The following ABR variants were observed in gnomAD, a reference collection of about 807,000 sequenced individuals.
ABR encodes active breakpoint cluster region-related protein.
A neutral mutation model predicts 107.2 loss-of-function variants in ABR; 35 were observed. The ratio of observed to expected loss-of-function variants is 0.33; its 90% CI spans 0.25 to 0.43. The LOEUF (loss-of-function observed/expected upper bound fraction) is 0.43. Among genes scored for constraint, ABR ranks in the 20% least tolerant of loss-of-function variants. The pLI is 1.00. For synonymous variants in ABR, 498 were observed against 462.0 expected (o/e 1.08, Z -1.00); for missense variants, 815 against 1,115.2 (o/e 0.73, Z 3.83).
intron 1 of ABR, among the ~76,000 whole-genome samples, chr17:1,174,877 A>G (rs1451440408): frequency 6.6e-6 from 1 of 152,116 alleles, no homozygotes; most frequent in Non-Finnish European, 1.5e-5. Context: ...GAGGTGCCAG[A>G]TGATCAACCT....
chr17:1,168,835 C>T (rs1490669939), intron 1 of ABR, among the ~76,000 whole-genome samples: 1 of 152,232 alleles, frequency 6.6e-6, no homozygotes, highest in Non-Finnish European at 1.5e-5. Context: ...AGCAGGAGAC[C>T]GAATCAGCTC....
At chr17:1,119,470 C>T (rs1472623985) in intron 2 of ABR, among the ~76,000 whole-genome samples, 2 of 89,072 alleles carry the variant, frequency 2.2e-5, no homozygotes, top group African/African-American at 3.7e-5. Flanking sequence ...TTCTTCCCAG[C>T]GTTATCCCTG....
At chr17:1,088,872 G>A (rs527466568) in intron 4 of ABR, among the ~76,000 whole-genome samples, 2 of 148,864 alleles carry the variant, frequency 1.3e-5, no homozygotes, top group South Asian at 2.1e-4. Flanking sequence ...GATTATAAGC[G>A]TGAGCCACTG....
intron 3 of ABR, among the ~76,000 whole-genome samples, chr17:1,096,900 G>T (rs188826493): frequency 2.0e-5 from 3 of 148,508 alleles, no homozygotes; most frequent in South Asian, 2.2e-4. Flanking sequence ...GCTGGGGAAG[G>T]GGGGAAACCT....
chr17:1,085,173 T>C (rs1211186153), intron 4 of ABR, among the ~76,000 whole-genome samples: 1 of 144,716 alleles, frequency 6.9e-6, no homozygotes, highest in Non-Finnish European at 1.5e-5. Flanking sequence ...AATGCAGTGA[T>C]GCCATCTCGG....
chr17:1,037,074 CCCACCCATCCTTCCATCCATCCAT>C lies in ABR; in HGVS notation c.1791+12952_1791+12975del. Among the ~76,000 whole-genome samples, 1 of 132,914 alleles carries C rather than the reference CCCACCCATCCTTCCATCCATCCAT, an allele frequency of 7.5e-6. No homozygotes were observed. The highest frequency in any genetic ancestry group is 3.2e-4 in the South Asian group (1 of 3,136). 87.2% of individuals were successfully genotyped at this position (132,914 alleles called of 152,430 possible). On this transcript the variant is annotated intron_variant, in intron 16 of 22. Coordinates refer to ENST00000302538, the MANE Select transcript of ABR (RefSeq NM_021962.5). This position sits in a 1 kb window ranked among gnomAD's most constrained non-coding sequence, Gnocchi z 4.6. ...ATCCATCCACCCATCCATCCACCCA[CCCACCCATCCTTCCATCCATCCAT>C]CCATCCATCCACCCACCCACCCATC...
chr17:1,069,542 T>A (rs1597660226), intron 9 of ABR, among the ~76,000 whole-genome samples: 2 of 151,954 alleles, frequency 1.3e-5, no homozygotes, highest in South Asian at 4.2e-4. Flanking sequence ...CATGGTGGCG[T>A]GCACCTGTAA....
intron 10 of ABR, among the ~76,000 whole-genome samples, chr17:1,066,494 A>G (rs1414360370): frequency 6.6e-6 from 1 of 150,418 alleles, no homozygotes; most frequent in African/African-American, 2.4e-5. Context: ...TCCTTACAAA[A>G]GCCTGCTTTT....
chr17:1,217,808 C>T (rs2043042588), intron 1 of ABR, among the ~76,000 whole-genome samples: 1 of 152,192 alleles, frequency 6.6e-6, no homozygotes. Flanking sequence ...GATTCTCCTG[C>T]CTCAGCCTCC....
At chr17:1,033,925 C>G (rs1182036685) in intron 16 of ABR, among the ~76,000 whole-genome samples, 1 of 151,792 alleles carries the variant, frequency 6.6e-6, no homozygotes, top group African/African-American at 2.4e-5. Context: ...TCCAGGAAGG[C>G]TCTGCTCACT....
intron 10 of ABR, among the ~76,000 whole-genome samples, chr17:1,063,309 C>T (rs55859512): frequency 2.2e-3 from 177 of 80,626 alleles, no homozygotes; most frequent in East Asian, 3.2e-3. Context: ...ACTGCTGTTA[C>T]GTGAACTGAG....
At chr17:1,029,924 C>T (rs2072585324) in intron 16 of ABR, among the ~76,000 whole-genome samples, 1 of 151,730 alleles carries the variant, frequency 6.6e-6, no homozygotes, top group Non-Finnish European at 1.5e-5. Context: ...CCGTCCGCCA[C>T]AGCGCTGACC....
At chr17:1,226,807 G>A (rs9747800) in intron 1 of ABR, among the ~76,000 whole-genome samples, 91,262 of 151,220 alleles carry the variant, frequency 0.6, 28,722 homozygotes, top group African/African-American at 0.78. Context: ...GTGTGCAGGT[G>A]TGTGTGTATA....
At chr17:1,094,157 G>A (rs891844467) in intron 3 of ABR, among the ~76,000 whole-genome samples, 5 of 147,642 alleles carry the variant, frequency 3.4e-5, no homozygotes, top group South Asian at 4.2e-4. Flanking sequence ...ACGGCCCCTC[G>A]GTGTCTGGTC....
chr17:1,219,362 C>T (rs2043073867), intron 1 of ABR, among the ~76,000 whole-genome samples: 1 of 140,500 alleles, frequency 7.1e-6, no homozygotes, highest in South Asian at 2.1e-4. Context: ...ACACACCTGG[C>T]TCATGGGTGA....
intron 1 of ABR, among the ~76,000 whole-genome samples, chr17:1,217,990 C>T (rs147403296): frequency 8.5e-5 from 13 of 152,194 alleles, no homozygotes; most frequent in African/African-American, 1.9e-4. Flanking sequence ...CTACCACGCC[C>T]GACTAATTTT....
At chr17:1,073,813 G>A (rs542422671) in intron 6 of ABR, 136 bp from the exon 7 acceptor site, 36 of 698,600 alleles carry the variant, frequency 5.2e-5, no homozygotes, top group Non-Finnish European at 6.7e-5. Context: ...GTGAGCCCAC[G>A]GCAGCCCCCA....
chr17:1,062,403 C>CGCTGCTGTT (rs2034089921), intron 10 of ABR, among the ~76,000 whole-genome samples: 1 of 141,662 alleles, frequency 7.1e-6, no homozygotes, highest in Non-Finnish European at 1.6e-5. Context: ...TTCCTCTAGA[C>CGCTGCTGTT]ACTGTTGTTA....
At chr17:1,096,640 A>C (rs970534194) in intron 3 of ABR, among the ~76,000 whole-genome samples, 5 of 152,110 alleles carry the variant, frequency 3.3e-5, no homozygotes, top group Non-Finnish European at 7.4e-5. Flanking sequence ...TCTGCTCAAG[A>C]AAGAGCCAAG....
Sources: gnomAD v4.1 joint callset for allele counts (sites outside exome capture counted in the v4.1 genomes callset) on GRCh38, gnomAD v4.1.1 for gene constraint, Gnocchi (gnomAD v3.1) non-coding constraint, MANE v1.5 for transcripts, NCBI Gene and HGNC (gene_info 2026-07-23, HGNC 2026-07-21) for gene names.